The following MLLT1 variants were observed in gnomAD, a reference collection of about 807,000 sequenced individuals.
MLLT1 encodes MLLT1 super elongation complex subunit, also known as protein ENL.
Under a neutral mutation model 55.1 loss-of-function variants are expected in MLLT1, and 11 were observed. The observed-to-expected ratio is 0.20, with a 90% CI of 0.13 to 0.33. The LOEUF (loss-of-function observed/expected upper bound fraction) is 0.33, where lower values mean the gene tolerates loss of function less well. MLLT1 is among the 10% of genes least tolerant of loss of function. The probability of loss-of-function intolerance (pLI) is 1.00; values close to 1 mark genes in which losing one functional copy is unlikely to be tolerated. For synonymous variants in MLLT1, 323 were observed against 320.1 expected, an observed-to-expected ratio of 1.01 and a Z score of -0.10; for missense variants, 536 against 760.6, an observed-to-expected ratio of 0.70 and a Z score of 3.47.
intron 6 of MLLT1, among the ~76,000 whole-genome samples, chr19:6,220,744 G>A (rs1274428992): frequency 6.6e-6 from 1 of 152,200 alleles, no homozygotes; most frequent in East Asian, 1.9e-4. Flanking sequence ...CCCAACCCTG[G>A]GGTAGAAGGG....
intron 3 of MLLT1, among the ~76,000 whole-genome samples, chr19:6,250,093 A>G (rs2091200395): frequency 6.6e-6 from 1 of 152,236 alleles, no homozygotes; most frequent in South Asian, 2.1e-4. Flanking sequence ...AAATACGGGC[A>G]AAGAGCTTGA....
At chr19:6,254,402 G>A (rs892804417) in intron 3 of MLLT1, among the ~76,000 whole-genome samples, 5 of 152,218 alleles carry the variant, frequency 3.3e-5, no homozygotes, top group African/African-American at 1.2e-4. Context: ...TCTGTGAGCC[G>A]TTATAGAGAA....
chr19:6,218,441 T>C (rs1268473260), intron 6 of MLLT1, among the ~76,000 whole-genome samples: 2 of 152,200 alleles, frequency 1.3e-5, no homozygotes, highest in African/African-American at 4.8e-5. Flanking sequence ...GTCGCAAAAA[T>C]GTCTGGAACA....
intron 2 of MLLT1, among the ~76,000 whole-genome samples, chr19:6,265,065 CAA>C (rs1162720785): frequency 3.1e-4 from 21 of 67,192 alleles, no homozygotes; most frequent in African/African-American, 1.3e-3. Context: ...AACAAAAAAA[CAA>C]AAAAAAACAT....
At position 6,224,886 on chromosome 19, in the gene MLLT1, C is replaced by T. The variant is rs188689855; in HGVS notation, c.546+2091G>A. On this transcript the variant is annotated intron_variant, in intron 5 of 11. Transcript: ENST00000252674. ...CTGGGATTACAGGCGCCCGCCACCA[C>T]GCCCGGCTAACTTTTTGTATTTTTA... Among the ~76,000 whole-genome samples the T allele has an allele frequency of 3.1e-3, 477 of 152,278 alleles. 2 individuals carry two copies. The highest frequency in any genetic ancestry group is 0.011 in the African/African-American group (446 of 41,558).
chr19:6,222,991 C>T lies in MLLT1; in HGVS notation c.547-307G>A, dbSNP rs2090918061. Among the ~76,000 whole-genome samples, 1 of 152,180 alleles carries T rather than the reference C, an allele frequency of 6.6e-6. No individual in the cohort carries two copies. The highest frequency in any genetic ancestry group is 2.4e-5 in the African/African-American group (1 of 41,436). ...ACAGGGTGAGTCAGGCAGAGCATGG[C>T]CACTTCGCCCGCACCCGCCCGCCCT... On this transcript the variant is annotated intron_variant, in intron 5 of 11. Coordinates refer to ENST00000252674, the MANE Select transcript of MLLT1 (RefSeq NM_005934.4). This position sits in a 1 kb window ranked among gnomAD's most constrained non-coding sequence, Gnocchi z 4.1.
intron 10 of MLLT1, 113 bp from the exon 11 acceptor site, chr19:6,213,521 C>A: frequency 9.2e-7 from 1 of 1,091,604 alleles, no homozygotes; most frequent in South Asian, 1.3e-5. Context: ...GAGGTAGCCA[C>A]ATCCAAACCA....
intron 3 of MLLT1, among the ~76,000 whole-genome samples, chr19:6,233,972 C>T (rs2091036466): frequency 6.6e-6 from 1 of 152,104 alleles, no homozygotes; most frequent in East Asian, 1.9e-4. Context: ...CCCCGAGGTA[C>T]GCAGCTGGCC....
Position 6,210,647 on chromosome 19 carries a change from A to G in MLLT1, c.*2395T>C. 4.4e-6 allele frequency: 1 copy of G among 228,074 alleles called. No individual in the cohort carries two copies. Among genetic ancestry groups the G allele is most frequent in the Admixed American group, 5.7e-5 (1 of 17,626 alleles). The allele number at this position is 228,074 out of a possible 1,614,324, so 14.1% of individuals were successfully genotyped here. A position where few individuals can be genotyped will look rare whatever the true frequency, so the allele number is the denominator to read the frequency against. ...CCGGCGTCGGTTTACATTTTTGTTCAGGAGAGAGCAAAACACAGAGATTTG... is the reference window on the plus strand; with the variant it reads ...CCGGCGTCGGTTTACATTTTTGTTCGGGAGAGAGCAAAACACAGAGATTTG... On this transcript the variant is annotated 3_prime_UTR_variant, in exon 12 of 12. Transcript: ENST00000252674. The surrounding 1 kb of genome is among the most constrained non-coding windows in gnomAD (Gnocchi z 4.6).
In MLLT1 at chr19:6,273,160, C is replaced by T. The variant is rs545893103; in HGVS notation, c.13-2401G>A. Among the ~76,000 whole-genome samples, 22 of 152,056 alleles carry T rather than the reference C, an allele frequency of 1.4e-4. No homozygotes were observed. Among genetic ancestry groups the T allele is most frequent in the African/African-American group, 2.2e-4 (9 of 41,476 alleles). ...GGCTGACAGATATGGGAAACGGTCTCGGAGTCAAAAGCCCCCGGCCCTCTG... is the reference window on the plus strand; with the variant it reads ...GGCTGACAGATATGGGAAACGGTCTTGGAGTCAAAAGCCCCCGGCCCTCTG... On this transcript the variant is annotated intron_variant, in intron 1 of 11. Coordinates refer to ENST00000252674, the MANE Select transcript of MLLT1 (RefSeq NM_005934.4). This position sits in a 1 kb window ranked among gnomAD's most constrained non-coding sequence, Gnocchi z 4.3.
chr19:6,249,468 C>T (rs992674194), intron 3 of MLLT1, among the ~76,000 whole-genome samples: 1 of 152,118 alleles, frequency 6.6e-6, no homozygotes, highest in Non-Finnish European at 1.5e-5. Context: ...ACTGAGGAAC[C>T]GATTTATTCA....
chr19:6,212,645 G>A lies in MLLT1; in HGVS notation c.*397C>T. Reference sequence around the variant, plus strand: ...GTGTTCTGAACCATTCGGGAGGCTGGAGATGCCCCCCAGCCGTCGATCCGC... The same window carrying A: ...GTGTTCTGAACCATTCGGGAGGCTGAAGATGCCCCCCAGCCGTCGATCCGC... On this transcript the variant is annotated 3_prime_UTR_variant, in exon 12 of 12. Transcript: ENST00000252674. 1 of 1,116,684 alleles carries A rather than the reference G, an allele frequency of 9.0e-7. No homozygotes were observed. The highest frequency in any genetic ancestry group is 1.1e-6 in the Non-Finnish European group (1 of 913,070). The allele number at this position is 1,116,684 out of a possible 1,614,324, so 69.2% of individuals were successfully genotyped here.
At chr19:6,274,912 T>C (rs920946515) in intron 1 of MLLT1, among the ~76,000 whole-genome samples, 1 of 152,212 alleles carries the variant, frequency 6.6e-6, no homozygotes, top group Admixed American at 6.5e-5. Flanking sequence ...CAGAGGGCAC[T>C]TGGAACCAAA....
intron 6 of MLLT1, 59 bp from the exon 7 acceptor site, chr19:6,218,100 CAGAGACAA>C: frequency 6.5e-7 from 1 of 1,540,434 alleles, no homozygotes; most frequent in Non-Finnish European, 8.8e-7. Flanking sequence ...CACCTTTCAG[CAGAGACAA>C]AGGGGGCCCC....
intron 6 of MLLT1, among the ~76,000 whole-genome samples, chr19:6,220,610 C>T (rs1288824006): frequency 6.6e-6 from 1 of 152,236 alleles, no homozygotes; most frequent in African/African-American, 2.4e-5. Context: ...GTGAGCAGAG[C>T]GGAGTGGAGC....
At chr19:6,218,817 C>G (rs1299061358) in intron 6 of MLLT1, among the ~76,000 whole-genome samples, 1 of 152,222 alleles carries the variant, frequency 6.6e-6, no homozygotes, top group Non-Finnish European at 1.5e-5. Flanking sequence ...GCCCATTGTT[C>G]TGGGCCCACA....
chr19:6,215,660 G>T (rs1012166293), intron 8 of MLLT1, among the ~76,000 whole-genome samples: 10 of 152,206 alleles, frequency 6.6e-5, no homozygotes. Context: ...TGGGTGCAGG[G>T]TGATAACCAG....
chr19:6,247,918 T>A (rs1455097938), intron 3 of MLLT1, among the ~76,000 whole-genome samples: 2 of 151,444 alleles, frequency 1.3e-5, no homozygotes, highest in African/African-American at 4.9e-5. Flanking sequence ...TGAGACAGAG[T>A]CTCACTCTGT....
chr19:6,265,293 G>C (rs968861314), intron 2 of MLLT1, among the ~76,000 whole-genome samples: 1 of 152,116 alleles, frequency 6.6e-6, no homozygotes, highest in Non-Finnish European at 1.5e-5. Flanking sequence ...TGGAATATTC[G>C]CATTCCTCTG....
Sources: allele counts gnomAD v4.1 joint callset (sites outside exome capture counted in the v4.1 genomes callset), GRCh38; gene constraint gnomAD v4.1.1; non-coding constraint Gnocchi (gnomAD v3.1); transcripts MANE v1.5; gene names NCBI Gene and HGNC (gene_info 2026-07-23, HGNC 2026-07-21).